TEX10: variants seen among roughly 807,000 people sequenced by gnomAD.
The protein encoded by TEX10 is testis expressed 10.
A neutral mutation model predicts 104.4 loss-of-function variants in TEX10; 24 were observed. That is an observed-to-expected ratio of 0.23 (90% CI 0.17 to 0.32). TEX10 has a LOEUF of 0.32. TEX10 is among the 10% of genes least tolerant of loss of function. The probability of loss-of-function intolerance (pLI) is 1.00; values close to 1 mark genes in which losing one functional copy is unlikely to be tolerated. For synonymous variants in TEX10, 396 were observed against 393.4 expected (o/e 1.01, Z -0.08); for missense variants, 921 against 1,083.9 (o/e 0.85, Z 2.11).
intron 14 of TEX10, 57 bp downstream of exon 14, chr9:100,303,575 C>A: frequency 6.3e-7 from 1 of 1,583,982 alleles, no homozygotes; most frequent in Non-Finnish European, 8.7e-7. Flanking sequence ...CCCATGCCCC[C>A]GTCATAAATT....
chr9:100,328,936 A>G (rs1041561867), intron 7 of TEX10, among the ~76,000 whole-genome samples: 3 of 152,254 alleles, frequency 2.0e-5, no homozygotes, highest in African/African-American at 7.2e-5. Flanking sequence ...GCAGTCTTTT[A>G]TCTGTTCAGA....
chr9:100,348,041 G>A (rs747497619), intron 2 of TEX10, among the ~76,000 whole-genome samples: 3 of 152,174 alleles, frequency 2.0e-5, no homozygotes, highest in Non-Finnish European at 4.4e-5. Flanking sequence ...AACAATATGT[G>A]ACCTAATCAT....
rs1835303287 is a variant in TEX10 at position 100,346,543 on chromosome 9, C to T, written c.893+151G>A. ...TATAAATAAATTAACATACAAATAA[C>T]TCTTCCCATCAGTAAATAAAATCAA... On this transcript the variant is annotated intron_variant, in intron 3 of 14. Coordinates refer to ENST00000374902, the MANE Select transcript of TEX10 (RefSeq NM_017746.4). The T allele has an allele frequency of 5.1e-6, 5 of 971,090 alleles. No individual in the cohort carries two copies. In the East Asian group the frequency reaches 9.9e-5, roughly 19 times the overall value. 60.2% of individuals were successfully genotyped at this position (971,090 alleles called of 1,614,324 possible). A position where few individuals can be genotyped will look rare whatever the true frequency, so the allele number is the denominator to read the frequency against.
At chr9:100,314,971 C>G (rs1175650558) in intron 11 of TEX10, among the ~76,000 whole-genome samples, 1 of 152,134 alleles carries the variant, frequency 6.6e-6, no homozygotes, top group Non-Finnish European at 1.5e-5. Flanking sequence ...TCTTCAGTGA[C>G]TCAATGATTG....
chr9:100,348,666 C>A (rs1212550989), intron 2 of TEX10, among the ~76,000 whole-genome samples: 1 of 152,204 alleles, frequency 6.6e-6, no homozygotes, highest in Non-Finnish European at 1.5e-5. Flanking sequence ...ACAATCCCAG[C>A]ACCTCAGGAG....
chr9:100,345,258 T>C (rs914503198), intron 4 of TEX10, among the ~76,000 whole-genome samples: 23 of 152,230 alleles, frequency 1.5e-4, no homozygotes, highest in African/African-American at 4.3e-4. Flanking sequence ...TCTTAAAATA[T>C]ACACCTTACT....
Position 100,329,126 on chromosome 9 carries a change from T to A in TEX10, c.1625+14A>T. On this transcript the variant is annotated intron_variant, in intron 7 of 14. Transcript: ENST00000374902. ...AGCAAGAGAAAAAAGAAAGGAAAAA[T>A]AACAAGATTTTACCTGAATCTACAA... is the stretch of plus-strand genomic sequence containing the variant. 1 of 1,576,772 alleles carries A rather than the reference T, an allele frequency of 6.3e-7. No homozygotes were observed. The highest frequency in any genetic ancestry group is 8.5e-7 in the Non-Finnish European group (1 of 1,171,070).
At position 100,308,614 on chromosome 9, in the gene TEX10, T is replaced by C; in HGVS notation, c.2351A>G (p.Asp784Gly). The C allele has an allele frequency of 6.2e-7, 1 of 1,612,602 alleles. No homozygotes were observed. The highest frequency in any genetic ancestry group is 8.5e-7 in the Non-Finnish European group (1 of 1,179,212). The change falls in exon 13 of 15, where the codon GAT (aspartate) becomes GGT (glycine). Residue 784 changes from aspartate to glycine, a missense_variant. Physicochemically the swap from Asp to Gly is moderately conservative, Grantham distance 94 (BLOSUM62 -1). Coordinates refer to ENST00000374902, the MANE Select transcript of TEX10 (RefSeq NM_017746.4). ...AGTCTCACTAACTACACAAGTATGA[T>C]CCAGGAGCTTACAGATAACACCAAA... Reference protein sequence around the residue: ...CVFGVICKLLDHTCVVSETLL... With the variant: ...CVFGVICKLLGHTCVVSETLL...
At chr9:100,317,612 A>T (rs1834453782) in intron 11 of TEX10, among the ~76,000 whole-genome samples, 1 of 152,214 alleles carries the variant, frequency 6.6e-6, no homozygotes, top group Non-Finnish European at 1.5e-5. Context: ...AGCACAAGCA[A>T]CAAAAACAAC....
chr9:100,308,524 C>A lies in TEX10; in HGVS notation c.2441G>T (p.Gly814Val). Residue 814 changes from glycine (G) to valine (V), a missense_variant, in exon 13 of 15, where the codon GGG becomes GTG. Gly to Val is a moderately radical substitution (Grantham distance 109, BLOSUM62 -3). This residue lies in a region of TEX10 where 753 missense variants were observed against 868.4 expected (regional missense o/e 0.87). Transcript: ENST00000374902. ...CCTCTTTCTTAGATGTTCTGCTTCCCCTTTCTCTATAGTGAGCAGAAAATA... is the reference window on the plus strand; with the variant it reads ...CCTCTTTCTTAGATGTTCTGCTTCCACTTTCTCTATAGTGAGCAGAAAATA... The part of the protein sequence containing the change: ...LLYFLLTIEK[G>V]EAEHLRKRDK... The A allele has an allele frequency of 6.3e-7, 1 of 1,592,870 alleles. No individual in the cohort carries two copies. The highest frequency in any genetic ancestry group is 1.2e-5 in the South Asian group (1 of 86,100).
chr9:100,303,308 G>A (rs1186713135), intron 14 of TEX10, among the ~76,000 whole-genome samples: 1 of 152,080 alleles, frequency 6.6e-6, no homozygotes, highest in Non-Finnish European at 1.5e-5. Context: ...TTCATTAATA[G>A]AGTCTGTATC....
intron 5 of TEX10, among the ~76,000 whole-genome samples, chr9:100,334,948 A>G (rs528911429): frequency 6.6e-6 from 1 of 152,144 alleles, no homozygotes; most frequent in Non-Finnish European, 1.5e-5. Context: ...TACAGGCGTG[A>G]GCCACCGCGC....
At chr9:100,318,907 C>G (rs1834492425) in intron 11 of TEX10, among the ~76,000 whole-genome samples, 1 of 152,010 alleles carries the variant, frequency 6.6e-6, no homozygotes. Flanking sequence ...AAAGAAGACA[C>G]CAGGCTGGGA....
chr9:100,302,935 C>T (rs1019119633), intron 14 of TEX10, among the ~76,000 whole-genome samples: 3 of 146,256 alleles, frequency 2.1e-5, no homozygotes, highest in African/African-American at 7.6e-5. Context: ...ACCGCCCCCC[C>T]CCCAAACTAA....
At chr9:100,331,171 G>C (rs562456198) in intron 5 of TEX10, among the ~76,000 whole-genome samples, 3 of 152,206 alleles carry the variant, frequency 2.0e-5, no homozygotes, top group Admixed American at 2.0e-4. Flanking sequence ...TGAGGCAGGA[G>C]AATCACTTGA....
At chr9:100,317,462 C>T (rs1453882543) in intron 11 of TEX10, among the ~76,000 whole-genome samples, 4 of 152,056 alleles carry the variant, frequency 2.6e-5, no homozygotes, top group African/African-American at 4.8e-5. Context: ...GAAACTGAAT[C>T]TCTCTTACAA....
intron 3 of TEX10, among the ~76,000 whole-genome samples, 176 bp from the exon 4 acceptor site, chr9:100,346,491 T>C (rs1835301970): frequency 6.6e-6 from 1 of 152,198 alleles, no homozygotes; most frequent in African/African-American, 2.4e-5. Context: ...AAAGATATTA[T>C]CAAGTTTTAT....
At chr9:100,341,626 T>C (rs995159176) in intron 4 of TEX10, among the ~76,000 whole-genome samples, 1 of 152,148 alleles carries the variant, frequency 6.6e-6, no homozygotes, top group Non-Finnish European at 1.5e-5. Flanking sequence ...ACCATCATCT[T>C]TTACTTGGAT....
intron 4 of TEX10, among the ~76,000 whole-genome samples, chr9:100,345,168 T>C (rs1310660469): frequency 6.6e-6 from 1 of 152,160 alleles, no homozygotes; most frequent in Non-Finnish European, 1.5e-5. Context: ...AAAACCGTAA[T>C]CAATAAAATG....
Sources: gnomAD v4.1 joint callset for allele counts (sites outside exome capture counted in the v4.1 genomes callset) on GRCh38, gnomAD v4.1.1 for gene constraint, gnomAD v4.1.1 regional missense constraint, MANE v1.5 for transcripts, NCBI Gene and HGNC (gene_info 2026-07-23, HGNC 2026-07-21) for gene names.